MSMO1: variants seen among roughly 807,000 people sequenced by gnomAD.
MSMO1 encodes the protein methylsterol monooxygenase 1.
A neutral mutation model predicts 30.4 loss-of-function variants in MSMO1; 18 were observed. The observed-to-expected ratio is 0.59, with a 90% confidence interval of 0.41 to 0.88. MSMO1 has a LOEUF of 0.88. MSMO1 is among the 40% of genes least tolerant of loss of function. The pLI, the probability that MSMO1 is intolerant of heterozygous loss-of-function variation, is 0.00. For synonymous variants in MSMO1, 84 were observed against 107.9 expected (o/e 0.78, Z 1.37); for missense variants, 284 against 340.5 (o/e 0.83, Z 1.31).
intron 2 of MSMO1, among the ~76,000 whole-genome samples, chr4:165,336,420 T>G (rs186496973): frequency 6.1e-4 from 93 of 152,308 alleles, no homozygotes; most frequent in African/African-American, 2.0e-3. Flanking sequence ...GAATTTGTAT[T>G]GCTAACTGTC....
Position 165,338,573 on chromosome 4 carries a change from A to C in MSMO1, c.405-79A>C, listed in dbSNP as rs1274951405. ...GGTGGGTGGTTTTATGTAATGTCTC[A>C]AGCAGTGATCCCAACTAAAAGTCTG... On this transcript the variant is annotated intron_variant, in intron 3 of 5. Coordinates refer to ENST00000261507, the MANE Select transcript of MSMO1 (RefSeq NM_006745.5). The C allele has an allele frequency of 6.9e-6, 9 of 1,298,366 alleles. No individual in the cohort carries two copies. In the East Asian group the frequency reaches 1.6e-4, roughly 24 times the overall value. 80.4% of individuals were successfully genotyped at this position (1,298,366 alleles called of 1,614,324 possible).
chr4:165,338,335 CATAT>C (rs946502517), intron 3 of MSMO1, among the ~76,000 whole-genome samples: 5 of 147,904 alleles, frequency 3.4e-5, no homozygotes, highest in African/African-American at 4.9e-5. Context: ...TATATACACA[CATAT>C]ATATATACAC....
rs1553968269 is a variant in MSMO1, at chr4:165,342,366, A to AT, written c.*430dup. On this transcript the variant is annotated 3_prime_UTR_variant, in exon 6 of 6. Coordinates refer to ENST00000261507, the MANE Select transcript of MSMO1 (RefSeq NM_006745.5). ...TGGCCTTATATTTAACTTTTTTTTT[A>AT]TTTTTTTTTTGAGACAAAGCCACAC... is the stretch of plus-strand genomic sequence containing the variant. 1.3e-3 allele frequency: 197 copies of AT among 149,760 alleles called. 1 individual carries two copies. The highest frequency in any genetic ancestry group is 0.01 in the Middle Eastern group (3 of 288). The allele number at this position is 149,760 out of a possible 1,614,324, so 9.3% of individuals were successfully genotyped here. A position where few individuals can be genotyped will look rare whatever the true frequency, so the allele number is the denominator to read the frequency against.
intron 2 of MSMO1, among the ~76,000 whole-genome samples, chr4:165,334,118 C>T (rs1747473472): frequency 6.6e-6 from 1 of 152,146 alleles, no homozygotes; most frequent in Admixed American, 6.5e-5. Flanking sequence ...ATTATTATTT[C>T]AATCAGTAAT....
intron 1 of MSMO1, among the ~76,000 whole-genome samples, chr4:165,333,074 T>A (rs1025272577): frequency 4.9e-4 from 74 of 152,128 alleles, no homozygotes; most frequent in Non-Finnish European, 3.8e-4. Context: ...CTTGAAAAAA[T>A]TTTTCCCCTA....
At position 165,338,064 on chromosome 4, in the gene MSMO1, A is replaced by G. The variant is rs1240506252; in HGVS notation, c.404+127A>G. 5 of 856,098 alleles carry G rather than the reference A, an allele frequency of 5.8e-6. No individual in the cohort carries two copies. The Admixed American group carries it at 1.2e-4, about 21-fold the overall frequency. 53.0% of individuals were successfully genotyped at this position (856,098 alleles called of 1,614,324 possible). On this transcript the variant is annotated intron_variant, in intron 3 of 5. Transcript: ENST00000261507. ...TAAACTTTGGAAGTAAATAAATAGT[A>G]GAAAAGTAAACCACAGTAAAATCTT...
rs1355252444 is a variant in MSMO1 at position 165,340,267 on chromosome 4, T to A, written c.578T>A (p.Leu193Gln). ...GAATATGCACATCCTTTGGAGACTC[T>A]AATTCTTGGAACTGGATTTTTCATT... Reference protein sequence around the residue: ...EAEYAHPLETLILGTGFFIGI... With the variant: ...EAEYAHPLETQILGTGFFIGI... The change falls in exon 5 of 6, where the codon CTA becomes CAA. Residue 193 changes from leucine (L) to glutamine (Q), a missense_variant. Transcript: ENST00000261507. 1.2e-6 allele frequency: 2 copies of A among 1,613,996 alleles called. No homozygotes were observed.
At chr4:165,334,157 T>A (rs1379292738) in intron 2 of MSMO1, among the ~76,000 whole-genome samples, 1 of 152,214 alleles carries the variant, frequency 6.6e-6, no homozygotes, top group Admixed American at 6.5e-5. Flanking sequence ...TAATGAGATA[T>A]TTAATAAGTC....
At chr4:165,338,304 GTGTA>G (rs145276890) in intron 3 of MSMO1, among the ~76,000 whole-genome samples, 1,961 of 101,708 alleles carry the variant, frequency 0.019, 19 homozygotes, top group Middle Eastern at 0.031. Context: ...AAATATGTAT[GTGTA>G]TATATATATA....
At chr4:165,335,693 A>G (rs868292487) in intron 2 of MSMO1, among the ~76,000 whole-genome samples, 1 of 152,248 alleles carries the variant, frequency 6.6e-6, no homozygotes, top group African/African-American at 2.4e-5. Flanking sequence ...AGGCAAGGGT[A>G]TATGAGCAGC....
intron 1 of MSMO1, among the ~76,000 whole-genome samples, chr4:165,330,840 T>G (rs1747368774): frequency 6.6e-6 from 1 of 152,184 alleles, no homozygotes; most frequent in Non-Finnish European, 1.5e-5. Context: ...TCTGCCCGCA[T>G]CAGCCTCCCC....
At chr4:165,329,690 A>G (rs1362517073) in intron 1 of MSMO1, among the ~76,000 whole-genome samples, 1 of 125,998 alleles carries the variant, frequency 7.9e-6, no homozygotes, top group Non-Finnish European at 1.6e-5. Context: ...GCTGGAATGC[A>G]GTGTCGTGAT....
intron 1 of MSMO1, among the ~76,000 whole-genome samples, chr4:165,329,512 C>A (rs1342667668): frequency 7.2e-6 from 1 of 138,566 alleles, no homozygotes; most frequent in Non-Finnish European, 1.5e-5. Flanking sequence ...TTCCAAGAAC[C>A]AAGGAAAGGC....
intron 2 of MSMO1, among the ~76,000 whole-genome samples, chr4:165,337,282 A>T (rs1226741458): frequency 1.3e-5 from 2 of 152,188 alleles, no homozygotes; most frequent in African/African-American, 2.4e-5. Context: ...ATCAGGACAT[A>T]TCTGTGTACT....
chr4:165,342,149 A>G lies in MSMO1; in HGVS notation c.*203A>G, dbSNP rs1193505582. On this transcript the variant is annotated 3_prime_UTR_variant, in exon 6 of 6. Transcript: ENST00000261507. ...TCTATATATGTAGAAATGAATAAAT[A>G]TATATTTAAGTACAGTTTTCATGAG... 7 of 487,286 alleles carry G rather than the reference A, an allele frequency of 1.4e-5. No homozygotes were observed. Among genetic ancestry groups the G allele is most frequent in the Admixed American group, 3.6e-5 (1 of 27,856 alleles). The allele number at this position is 487,286 out of a possible 1,614,324, so 30.2% of individuals were successfully genotyped here. A position where few individuals can be genotyped will look rare whatever the true frequency, so the allele number is the denominator to read the frequency against.
rs565915044 is a variant in MSMO1 at position 165,340,158 on chromosome 4, G to A, written c.532-63G>A. ...TTGGATATCATAGCCTAGCCAAGTTGACACATAAAATTGACCATCACAATA... is the reference window on the plus strand; with the variant it reads ...TTGGATATCATAGCCTAGCCAAGTTAACACATAAAATTGACCATCACAATA... On this transcript the variant is annotated intron_variant, in intron 4 of 5. Transcript: ENST00000261507. 24 of 1,457,866 alleles carry A rather than the reference G, an allele frequency of 1.6e-5. No individual in the cohort carries two copies. In the South Asian group the frequency reaches 2.5e-4, roughly 15 times the overall value. 90.3% of individuals were successfully genotyped at this position (1,457,866 alleles called of 1,614,324 possible). A position where few individuals can be genotyped will look rare whatever the true frequency, so the allele number is the denominator to read the frequency against.
At chr4:165,330,364 A>G (rs1281284860) in intron 1 of MSMO1, among the ~76,000 whole-genome samples, 1 of 152,248 alleles carries the variant, frequency 6.6e-6, no homozygotes, top group Non-Finnish European at 1.5e-5. Flanking sequence ...AAAGTGCCCA[A>G]TAATTGTTAG....
intron 1 of MSMO1, among the ~76,000 whole-genome samples, chr4:165,328,978 G>A (rs1457094351): frequency 1.3e-5 from 2 of 152,190 alleles, no homozygotes; most frequent in Non-Finnish European, 2.9e-5. Flanking sequence ...GTGAGTTCAT[G>A]TGCCTCTGAA....
intron 5 of MSMO1, 71 bp downstream of exon 5, chr4:165,340,446 A>G (rs1747686221): frequency 1.5e-6 from 2 of 1,327,966 alleles, no homozygotes; most frequent in East Asian, 4.6e-5. Flanking sequence ...TAAGATTATC[A>G]TATTTCTAAG....
Sources: allele counts gnomAD v4.1 joint callset (sites outside exome capture counted in the v4.1 genomes callset), GRCh38; gene constraint gnomAD v4.1.1; transcripts MANE v1.5; gene names NCBI Gene and HGNC (gene_info 2026-07-23, HGNC 2026-07-21).